Variants in RNLS observed in about 807,000 individuals in gnomAD.
RNLS encodes the protein renalase.
Under a neutral mutation model 39.8 loss-of-function variants are expected in RNLS, and 39 were observed. That is an observed-to-expected ratio of 0.98 (90% CI 0.76 to 1.28). RNLS has a LOEUF of 1.28. Ranked by LOEUF, RNLS falls within the 50% of genes most tolerant of loss-of-function variation. The pLI, the probability that RNLS is intolerant of heterozygous loss-of-function variation, is 0.00. For synonymous variants in RNLS, 147 were observed against 150.7 expected (o/e 0.98, Z 0.18); for missense variants, 410 against 413.3 (o/e 0.99, Z 0.07).
chr10:88,351,909 A>T (rs1284456020), intron 5 of RNLS, among the ~76,000 whole-genome samples: 2 of 152,152 alleles, frequency 1.3e-5, no homozygotes, highest in Non-Finnish European at 1.5e-5. Flanking sequence ...CTCCTTGAAG[A>T]GGTCCTTCAC....
At chr10:88,353,300 G>A (rs1012373688) in intron 5 of RNLS, among the ~76,000 whole-genome samples, 9 of 152,124 alleles carry the variant, frequency 5.9e-5, no homozygotes, top group Non-Finnish European at 1.2e-4. Flanking sequence ...TAATTGTGAT[G>A]TTAGGGTGTC....
chr10:88,432,448 A>G (rs1034884564), intron 4 of RNLS, among the ~76,000 whole-genome samples: 1 of 151,890 alleles, frequency 6.6e-6, no homozygotes, highest in Non-Finnish European at 1.5e-5. Flanking sequence ...CATTTAGACC[A>G]CTTACATTTA....
Position 88,387,325 on chromosome 10 carries a change from T to C in RNLS, c.527-24600A>G, listed in dbSNP as rs760862574. Among the ~76,000 whole-genome samples, 6 of 152,064 alleles carry C rather than the reference T, an allele frequency of 3.9e-5. No individual in the cohort carries two copies. The South Asian group carries it at 1.0e-3, about 26-fold the overall frequency. The stretch of plus-strand genomic sequence containing the variant: ...AGTAGACCTGAAGCCCTAGCAACAC[T>C]GAAAAGAGACCTGGAGCTTACATCT... On this transcript the variant is annotated intron_variant, in intron 4 of 6. Coordinates refer to ENST00000331772, the MANE Select transcript of RNLS (RefSeq NM_001031709.3).
chr10:88,532,289 A>G (rs1004416857), intron 4 of RNLS, among the ~76,000 whole-genome samples: 25 of 152,198 alleles, frequency 1.6e-4, no homozygotes, highest in Admixed American at 9.8e-4. Flanking sequence ...TATTACTTTA[A>G]GTTATCACAG....
the RNLS span, among the ~76,000 whole-genome samples, chr10:88,187,209 T>TATATATAATATATATA: frequency 1.0e-5 from 1 of 100,280 alleles, no homozygotes; most frequent in African/African-American, 3.9e-5. Flanking sequence ...ATATATATAA[T>TATATATAATATATATA]ATATATATAT....
At chr10:88,191,474 T>C in the RNLS span, among the ~76,000 whole-genome samples, 1 of 152,236 alleles carries the variant, frequency 6.6e-6, no homozygotes, top group South Asian at 2.1e-4. Context: ...GTTTACATTG[T>C]GGATTAATCA....
chr10:88,465,869 A>C (rs1456593250), intron 4 of RNLS, among the ~76,000 whole-genome samples: 1 of 152,038 alleles, frequency 6.6e-6, no homozygotes, highest in Non-Finnish European at 1.5e-5. Context: ...AATTTACTTC[A>C]ATCAGTCACA....
chr10:88,433,817 G>A (rs183861284), intron 4 of RNLS, among the ~76,000 whole-genome samples: 121 of 152,190 alleles, frequency 8.0e-4, no homozygotes, highest in African/African-American at 2.6e-3. Context: ...TCCACTGAGA[G>A]TAAAAGGACC....
intron 4 of RNLS, among the ~76,000 whole-genome samples, chr10:88,426,834 G>T (rs1041299063): frequency 4.6e-5 from 7 of 151,904 alleles, no homozygotes; most frequent in African/African-American, 1.7e-4. Flanking sequence ...ATCCTAGGGG[G>T]TAACAGTAGT....
the RNLS span, among the ~76,000 whole-genome samples, chr10:88,235,216 C>T: frequency 6.8e-5 from 9 of 131,826 alleles, no homozygotes; most frequent in African/African-American, 1.7e-4. Context: ...TGCAGTGAGC[C>T]GAGATTGCGC....
rs1842682943 is a variant in RNLS, at chr10:88,457,276, T to C, written c.527-94551A>G. Among the ~76,000 whole-genome samples, 2 of 152,204 alleles carry C rather than the reference T, an allele frequency of 1.3e-5. 1 individual carries two copies. Among genetic ancestry groups the C allele is most frequent in the South Asian group, 4.1e-4 (2 of 4,836 alleles). ...TGTACCTCCCTAAAACATGAACATA[T>C]AATGGTTGTTTTTGTAAAGAGTTTG... On this transcript the variant is annotated intron_variant, in intron 4 of 6. Coordinates refer to ENST00000331772, the MANE Select transcript of RNLS (RefSeq NM_001031709.3).
intron 4 of RNLS, among the ~76,000 whole-genome samples, chr10:88,522,309 T>G (rs1378694268): frequency 6.6e-6 from 1 of 152,068 alleles, no homozygotes; most frequent in Non-Finnish European, 1.5e-5. Flanking sequence ...GCAAAGTGGG[T>G]ACAGAAATTT....
intron 4 of RNLS, among the ~76,000 whole-genome samples, chr10:88,399,431 T>C (rs1852776751): frequency 6.6e-6 from 1 of 151,994 alleles, no homozygotes; most frequent in Non-Finnish European, 1.5e-5. Flanking sequence ...GGTATATCCA[T>C]ACAATGGAAT....
intron 5 of RNLS, among the ~76,000 whole-genome samples, chr10:88,339,133 G>C (rs1018532950): frequency 6.6e-6 from 1 of 152,180 alleles, no homozygotes; most frequent in Non-Finnish European, 1.5e-5. Flanking sequence ...TGTGGAATGT[G>C]AGGATTTGTG....
chr10:88,452,116 G>A (rs192613632), intron 4 of RNLS, among the ~76,000 whole-genome samples: 26 of 152,352 alleles, frequency 1.7e-4, no homozygotes, highest in Non-Finnish European at 2.6e-4. Flanking sequence ...TAACTTTAGA[G>A]TAGGTCTGAA....
chr10:88,352,896 A>G (rs889315572), intron 5 of RNLS, among the ~76,000 whole-genome samples: 1 of 152,110 alleles, frequency 6.6e-6, no homozygotes, highest in Non-Finnish European at 1.5e-5. Flanking sequence ...TTGGTCTATT[A>G]AGAGATTCAA....
intron 4 of RNLS, among the ~76,000 whole-genome samples, chr10:88,539,872 C>T (rs905920201): frequency 5.3e-4 from 80 of 151,936 alleles, no homozygotes; most frequent in African/African-American, 1.7e-3. Flanking sequence ...TTTCAATATT[C>T]ACCTTTATTT....
At chr10:88,214,498 C>CAAAAAAAA in the RNLS span, among the ~76,000 whole-genome samples, 2 of 135,128 alleles carry the variant, frequency 1.5e-5, no homozygotes, top group Non-Finnish European at 3.2e-5. Flanking sequence ...GACTCCGTCT[C>CAAAAAAAA]AAAAAAAAAA....
intron 4 of RNLS, among the ~76,000 whole-genome samples, chr10:88,376,853 T>C (rs1428391893): frequency 1.3e-5 from 2 of 152,128 alleles, no homozygotes; most frequent in Admixed American, 1.3e-4. Flanking sequence ...AATATCAAAA[T>C]GGTTTTGGCT....
Sources: allele counts gnomAD v4.1 joint callset (sites outside exome capture counted in the v4.1 genomes callset), GRCh38; gene constraint gnomAD v4.1.1; transcripts MANE v1.5; gene names NCBI Gene and HGNC (gene_info 2026-07-23, HGNC 2026-07-21).